XXYLT1: variants seen among roughly 807,000 people sequenced by gnomAD.
The protein encoded by XXYLT1 is xyloside xylosyltransferase 1, also known as UDP-xylose:alpha-xyloside alpha-1,3-xylosyltransferase.
Under a neutral mutation model 28.9 loss-of-function variants are expected in XXYLT1, and 20 were observed. The observed-to-expected ratio is 0.69, with a 90% CI of 0.49 to 1.00. XXYLT1 has a LOEUF of 1.00. XXYLT1 is among the 50% of genes least tolerant of loss of function. The pLI is 0.00. For missense variants in XXYLT1, 542 were observed against 560.1 expected (o/e 0.97, Z 0.33); for synonymous variants, 257 against 253.8 (o/e 1.01, Z -0.12).
intron 1 of XXYLT1, among the ~76,000 whole-genome samples, chr3:195,251,540 G>A (rs1173157374): frequency 6.6e-6 from 1 of 152,170 alleles, no homozygotes; most frequent in East Asian, 1.9e-4. Context: ...GGGCTGCTCC[G>A]CCTGCAGCTG....
In XXYLT1 at chr3:195,226,833, C is replaced by T; in HGVS notation, c.528G>A (p.Val176=). The T allele has an allele frequency of 3.1e-6, 5 of 1,613,776 alleles. No homozygotes were observed. The highest frequency in any genetic ancestry group is 4.2e-6 in the Non-Finnish European group (5 of 1,179,962). Residue 176 remains valine, a synonymous_variant, in exon 2 of 4, where the codon GTG becomes GTA. Coordinates refer to ENST00000310380, the MANE Select transcript of XXYLT1 (RefSeq NM_152531.5). ...KCKVIFHDVA[V]LTDKLFPIVE... ...CGATGGGGAAGAGCTTATCCGTCAGCACAGCAACATCGTGGAAGATGACCT... is the reference window on the plus strand; with the variant it reads ...CGATGGGGAAGAGCTTATCCGTCAGTACAGCAACATCGTGGAAGATGACCT...
chr3:195,126,388 T>A (rs1718630709), intron 3 of XXYLT1, among the ~76,000 whole-genome samples: 1 of 152,262 alleles, frequency 6.6e-6, no homozygotes, highest in African/African-American at 2.4e-5. Flanking sequence ...CATTCTGTGA[T>A]CATTCATTCA....
intron 1 of XXYLT1, among the ~76,000 whole-genome samples, chr3:195,252,886 C>T (rs1391975679): frequency 1.3e-5 from 2 of 152,208 alleles, no homozygotes; most frequent in Admixed American, 1.3e-4. Flanking sequence ...GGCGGCGAGG[C>T]GGGGAGGCGT....
rs1370735414 is a variant in XXYLT1, at chr3:195,240,668, C to T, written c.505-13812G>A. ...GTCGGCCGGAGGCCAAGGGTTCACC[C>T]ATCTCCTCCCCATGCGCCGCCAGAG... On this transcript the variant is annotated intron_variant, in intron 1 of 3. Transcript: ENST00000310380. The surrounding 1 kb of genome is among the most constrained non-coding windows in gnomAD (Gnocchi z 4.7). Among the ~76,000 whole-genome samples the T allele has an allele frequency of 1.3e-5, 2 of 152,212 alleles. No individual in the cohort carries two copies. Among genetic ancestry groups the T allele is most frequent in the Non-Finnish European group, 2.9e-5 (2 of 68,046 alleles).
intron 3 of XXYLT1, among the ~76,000 whole-genome samples, chr3:195,112,506 A>ATGGACACATG (rs1553804438): frequency 3.2e-5 from 1 of 31,076 alleles, no homozygotes; most frequent in Non-Finnish European, 1.4e-4. Flanking sequence ...GCACACACCC[A>ATGGACACATG]CACACACCCA....
intron 2 of XXYLT1, among the ~76,000 whole-genome samples, chr3:195,165,241 C>G (rs1460566484): frequency 6.6e-6 from 1 of 152,156 alleles, no homozygotes; most frequent in Non-Finnish European, 1.5e-5. Context: ...GTGGTGCTCT[C>G]CAGCCTCCTA....
chr3:195,248,257 G>A (rs1337517737), intron 1 of XXYLT1, among the ~76,000 whole-genome samples: 2 of 152,164 alleles, frequency 1.3e-5, no homozygotes, highest in Non-Finnish European at 2.9e-5. Context: ...CCTCAGGAGG[G>A]GCTAAGGAGA....
chr3:195,099,985 C>T (rs80064736), intron 3 of XXYLT1, among the ~76,000 whole-genome samples: 2,439 of 152,210 alleles, frequency 0.016, 64 homozygotes, highest in African/African-American at 0.055. Context: ...GAAAAATTCT[C>T]CCTGTCTTAC....
intron 3 of XXYLT1, chr3:195,094,607 G>C (rs1306384096): frequency 6.5e-6 from 1 of 153,870 alleles, no homozygotes; most frequent in African/African-American, 2.4e-5. Flanking sequence ...ATTCCCAGAC[G>C]CACGCTTCTC....
chr3:195,072,041 G>C lies in XXYLT1; in HGVS notation c.786-1930C>G, dbSNP rs1714846810. On this transcript the variant is annotated intron_variant, in intron 3 of 3. Coordinates refer to ENST00000310380, the MANE Select transcript of XXYLT1 (RefSeq NM_152531.5). ...TGTCCAGAGTACCCAGGAGGGAGAG[G>C]ACTCACCCAGCTGGGGGTGTGGCCC... Among the ~76,000 whole-genome samples the C allele has an allele frequency of 2.0e-5, 3 of 152,264 alleles. No individual in the cohort carries two copies. The East Asian group carries it at 5.8e-4, about 29-fold the overall frequency.
At position 195,255,257 on chromosome 3, in the gene XXYLT1, G is replaced by A. The variant is rs537413061; in HGVS notation, c.504+15298C>T. Among the ~76,000 whole-genome samples the A allele has an allele frequency of 3.2e-4, 49 of 152,342 alleles. No homozygotes were observed. The Middle Eastern group carries it at 0.01, about 32-fold the overall frequency. ...CCGCCGACCAGGCCTGGAGATCCCT[G>A]TGACAGTCACGGCAGGACTGGGGCT... On this transcript the variant is annotated intron_variant, in intron 1 of 3. Transcript: ENST00000310380. This position sits in a 1 kb window ranked among gnomAD's most constrained non-coding sequence, Gnocchi z 4.5.
intron 2 of XXYLT1, among the ~76,000 whole-genome samples, chr3:195,171,672 C>T (rs73063119): frequency 0.041 from 6,228 of 152,296 alleles, 429 homozygotes; most frequent in African/African-American, 0.14. Context: ...GAGGCAGAGA[C>T]GCCATGCCCT....
chr3:195,189,008 AAAG>A (rs759129899), intron 2 of XXYLT1, among the ~76,000 whole-genome samples: 53 of 152,206 alleles, frequency 3.5e-4, no homozygotes, highest in Middle Eastern at 3.4e-3. Context: ...TGATAATACC[AAAG>A]AATAAGAATA....
chr3:195,094,995 T>C (rs1376503064), intron 3 of XXYLT1, among the ~76,000 whole-genome samples: 2 of 151,992 alleles, frequency 1.3e-5, no homozygotes, highest in Non-Finnish European at 2.9e-5. Flanking sequence ...GCGGGGGAAA[T>C]GTGTGTCCGG....
intron 1 of XXYLT1, among the ~76,000 whole-genome samples, chr3:195,227,580 A>G (rs1010620297): frequency 6.6e-6 from 1 of 152,162 alleles, no homozygotes; most frequent in Non-Finnish European, 1.5e-5. Context: ...ACTCTCACAT[A>G]CCCACACTGA....
chr3:195,070,070 C>T lies in XXYLT1; in HGVS notation c.827G>A (p.Arg276Gln), dbSNP rs62290268. The T allele has an allele frequency of 5.7e-5, 91 of 1,591,494 alleles. No individual in the cohort carries two copies. Among genetic ancestry groups the T allele is most frequent in the Non-Finnish European group, 7.2e-5 (85 of 1,176,032 alleles). Reference sequence around the variant, plus strand: ...CCCCTCGGGGGGCGGGCCCCCAACCCGGGTCTGGGGGTTCTCATGGCGGAA... The same window carrying T: ...CCCCTCGGGGGGCGGGCCCCCAACCTGGGTCTGGGGGTTCTCATGGCGGAA... The part of the protein sequence containing the change: ...WQFRHENPQT[R>Q]VGGPPPEGLP... The change falls in exon 4 of 4, where the codon CGG becomes CAG. Residue 276 changes from arginine (R) to glutamine (Q), a missense_variant. Transcript: ENST00000310380.
At chr3:195,203,541 A>G (rs1156812209) in intron 2 of XXYLT1, among the ~76,000 whole-genome samples, 1 of 152,148 alleles carries the variant, frequency 6.6e-6, no homozygotes, top group African/African-American at 2.4e-5. Context: ...GAAAACCCAC[A>G]AAAGAAGTGA....
Position 195,257,018 on chromosome 3 carries a change from G to A in XXYLT1, c.504+13537C>T, listed in dbSNP as rs1198152397. Among the ~76,000 whole-genome samples, 2 of 152,218 alleles carry A rather than the reference G, an allele frequency of 1.3e-5. No homozygotes were observed. Among genetic ancestry groups the A allele is most frequent in the Admixed American group, 1.3e-4 (2 of 15,292 alleles). On this transcript the variant is annotated intron_variant, in intron 1 of 3. Coordinates refer to ENST00000310380, the MANE Select transcript of XXYLT1 (RefSeq NM_152531.5). This position sits in a 1 kb window ranked among gnomAD's most constrained non-coding sequence, Gnocchi z 4.3. ...CAGTTCCAAAACCCAAAACACCGCT[G>A]ACACTTCATGGCTAGTGTCAGGCTG...
At chr3:195,081,718 A>G (rs1044924690) in intron 3 of XXYLT1, among the ~76,000 whole-genome samples, 1 of 152,222 alleles carries the variant, frequency 6.6e-6, no homozygotes, top group Non-Finnish European at 1.5e-5. Context: ...TACTCAATAC[A>G]TTCAGATGAG....
Sources: allele counts gnomAD v4.1 joint callset (sites outside exome capture counted in the v4.1 genomes callset), GRCh38; gene constraint gnomAD v4.1.1; non-coding constraint Gnocchi (gnomAD v3.1); transcripts MANE v1.5; gene names NCBI Gene and HGNC (gene_info 2026-07-23, HGNC 2026-07-21).